PRXL2C: variants seen among roughly 807,000 people sequenced by gnomAD.
PRXL2C encodes the protein peroxiredoxin-like 2C.
In PRXL2C, 38 loss-of-function variants were observed where a neutral mutation model predicts 24.9. The observed-to-expected ratio is 1.53, with a 90% CI of 1.18 to 2.00. The LOEUF (loss-of-function observed/expected upper bound fraction) is 2.00. PRXL2C is among the 30% of genes most tolerant of loss of function. PRXL2C has a pLI of 0.00. For synonymous variants in PRXL2C, 98 were observed against 117.2 expected (o/e 0.84, Z 1.06); for missense variants, 294 against 290.9 (o/e 1.01, Z -0.08).
At chr9:96,648,234 CAATT>C (rs1166016322) in intron 4 of PRXL2C, among the ~76,000 whole-genome samples, 3 of 152,120 alleles carry the variant, frequency 2.0e-5, no homozygotes, top group Non-Finnish European at 4.4e-5. Context: ...AAGAAGGGGT[CAATT>C]AATATTTCAG....
rs896771498 is a variant in PRXL2C at position 96,654,736 on chromosome 9, T to C, written c.230A>G (p.Asp77Gly). 18 of 1,567,054 alleles carry C rather than the reference T, an allele frequency of 1.1e-5. No homozygotes were observed. Among genetic ancestry groups the C allele is most frequent in the Non-Finnish European group, 1.6e-5 (18 of 1,154,512 alleles). Residue 77 changes from aspartate (D) to glycine (G), a missense_variant, in exon 2 of 6, where the codon GAT becomes GGT. Asp to Gly is a moderately conservative substitution (Grantham distance 94). Transcript: ENST00000375234. ...GAAACTCCTGGGGATTTTGGCCAGA[T>C]CCTCTACGTATTCCTTGCAGATGTA... ...LCYICKEYVEDLAKIPRSFLQ... is the reference protein window; with the variant it reads ...LCYICKEYVEGLAKIPRSFLQ...
At chr9:96,654,917 G>T in intron 1 of PRXL2C, 144 bp from the exon 2 acceptor site, 1 of 1,203,580 alleles carries the variant, frequency 8.3e-7, no homozygotes, top group Non-Finnish European at 1.1e-6. Context: ...CGGCGCGTGG[G>T]AAGCGGGCCT....
chr9:96,652,767 A>C (rs1285718942), intron 2 of PRXL2C, among the ~76,000 whole-genome samples: 2 of 152,232 alleles, frequency 1.3e-5, no homozygotes, highest in Non-Finnish European at 2.9e-5. Flanking sequence ...AAAATTAAAA[A>C]TAGAAATATA....
chr9:96,643,470 T>C (rs1848146591), intron 5 of PRXL2C, among the ~76,000 whole-genome samples: 1 of 152,172 alleles, frequency 6.6e-6, no homozygotes, highest in Non-Finnish European at 1.5e-5. Context: ...ATTGTCTCGA[T>C]CTCCCGACCT....
At position 96,655,311 on chromosome 9, in the gene PRXL2C, C is replaced by T. The variant is rs1189223354; in HGVS notation, c.-30G>A. On this transcript the variant is annotated 5_prime_UTR_variant, in exon 1 of 6. Coordinates refer to ENST00000375234, the MANE Select transcript of PRXL2C (RefSeq NM_153698.2). ...CGGGGCGGCCGAGGGCCTGGGTCCG[C>T]TCTGTCAGCGCGGACCGGGGCGGGG... The T allele has an allele frequency of 3.1e-4, 319 of 1,035,876 alleles. 2 individuals carry two copies. The highest frequency in any genetic ancestry group is 2.3e-3 in the Middle Eastern group (5 of 2,174). The allele number at this position is 1,035,876 out of a possible 1,614,324, so 64.2% of individuals were successfully genotyped here.
chr9:96,647,085 C>A (rs1166081057), intron 4 of PRXL2C, among the ~76,000 whole-genome samples: 2 of 152,104 alleles, frequency 1.3e-5, no homozygotes, highest in African/African-American at 4.8e-5. Context: ...CCACCGCAGC[C>A]GGTCCCGTTC....
In PRXL2C at chr9:96,651,667, G is replaced by A. The variant is rs1197099501; in HGVS notation, c.307C>T (p.His103Tyr). The change falls in exon 3 of 6, where the codon CAT becomes TAT. Residue 103 changes from histidine (H) to tyrosine (Y), a missense_variant. Coordinates refer to ENST00000375234, the MANE Select transcript of PRXL2C (RefSeq NM_153698.2). Reference protein sequence around the residue: ...LIVIGQSSYHHIEPFCKLTGY... With the variant: ...LIVIGQSSYHYIEPFCKLTGY... The stretch of plus-strand genomic sequence containing the variant: ...ATGTACTAGATATTTACCTCAATAT[G>A]ATGGTAGGATGACTGTCCAATCACT... 3.1e-6 allele frequency: 5 copies of A among 1,608,976 alleles called. No individual in the cohort carries two copies. Among genetic ancestry groups the A allele is most frequent in the Non-Finnish European group, 3.4e-6 (4 of 1,176,826 alleles).
intron 4 of PRXL2C, among the ~76,000 whole-genome samples, chr9:96,647,891 C>T (rs992597346): frequency 4.6e-5 from 7 of 151,744 alleles, no homozygotes; most frequent in African/African-American, 1.7e-4. Context: ...CAAACTCTCT[C>T]CTTATTTTTT....
intron 5 of PRXL2C, among the ~76,000 whole-genome samples, chr9:96,643,652 GT>G (rs1392055377): frequency 6.6e-6 from 1 of 152,188 alleles, no homozygotes; most frequent in Non-Finnish European, 1.5e-5. Flanking sequence ...ATGGAAATAA[GT>G]TGTTCAGAAA....
At chr9:96,654,646 C>T (rs533799302) in intron 2 of PRXL2C, 59 bp downstream of exon 2, 44 of 1,501,672 alleles carry the variant, frequency 2.9e-5, no homozygotes, top group Non-Finnish European at 3.7e-5. Flanking sequence ...CGTCCTCCCC[C>T]GCCCCGCTCG....
intron 4 of PRXL2C, among the ~76,000 whole-genome samples, chr9:96,647,940 G>A (rs961225347): frequency 2.0e-5 from 3 of 151,966 alleles, no homozygotes; most frequent in East Asian, 1.9e-4. Context: ...GAGTCAATCC[G>A]TCACCCAGGC....
intron 2 of PRXL2C, among the ~76,000 whole-genome samples, chr9:96,652,734 C>A (rs1026149016): frequency 6.6e-6 from 1 of 151,914 alleles, no homozygotes; most frequent in Non-Finnish European, 1.5e-5. Flanking sequence ...ACAGCCATTA[C>A]GGAAAACAGT....
chr9:96,655,106 A>G lies in PRXL2C; in HGVS notation c.176T>C (p.Val59Ala), dbSNP rs1004133088. 1 of 1,435,792 alleles carries G rather than the reference A, an allele frequency of 7.0e-7. No individual in the cohort carries two copies. Among genetic ancestry groups the G allele is most frequent in the Non-Finnish European group, 9.1e-7 (1 of 1,098,316 alleles). 88.9% of individuals were successfully genotyped at this position (1,435,792 alleles called of 1,614,324 possible). ...CCCGCTCACCCGCACGAACACCACC[A>G]CGGCGCGGCGCTCCCGGAACAGCGC... Reference protein sequence around the residue: ...FGALFRERRAVVVFVRHFLCY... With the variant: ...FGALFRERRAAVVFVRHFLCY... Residue 59 changes from valine (V) to alanine (A), a missense_variant, in exon 1 of 6, where the codon GTG becomes GCG. Physicochemically the swap from Val to Ala is moderately conservative, Grantham distance 64 (BLOSUM62 0). Coordinates refer to ENST00000375234, the MANE Select transcript of PRXL2C (RefSeq NM_153698.2).
rs545061869 is a variant in PRXL2C, at chr9:96,649,456, C to G, written c.421+1934G>C. Among the ~76,000 whole-genome samples the G allele has an allele frequency of 1.4e-5, 2 of 138,072 alleles. 1 individual carries two copies. Among genetic ancestry groups the G allele is most frequent in the African/African-American group, 7.1e-5 (2 of 28,060 alleles). The allele number at this position is 138,072 out of a possible 152,430, so 90.6% of individuals were successfully genotyped here. ...GTGCATGCCTGTAATCCCAGCTACC[C>G]CGGAGGCTGAGGCAGGAGAATCACT... On this transcript the variant is annotated intron_variant, in intron 4 of 5. Coordinates refer to ENST00000375234, the MANE Select transcript of PRXL2C (RefSeq NM_153698.2).
rs1207804902 is a variant in PRXL2C at position 96,640,905 on chromosome 9, T to G, written c.*854A>C. On this transcript the variant is annotated 3_prime_UTR_variant, in exon 6 of 6. Coordinates refer to ENST00000375234, the MANE Select transcript of PRXL2C (RefSeq NM_153698.2). ...CTGACCATATTTTTAAATACATATC[T>G]TAAATATCTAAAACAATTTTTTTCT... 1 of 152,100 alleles carries G rather than the reference T, an allele frequency of 6.6e-6. No individual in the cohort carries two copies. Among genetic ancestry groups the G allele is most frequent in the Non-Finnish European group, 1.5e-5 (1 of 68,050 alleles). 9.4% of individuals were successfully genotyped at this position (152,100 alleles called of 1,614,324 possible).
intron 5 of PRXL2C, among the ~76,000 whole-genome samples, chr9:96,644,852 T>C (rs1008840370): frequency 2.0e-5 from 3 of 151,066 alleles, no homozygotes; most frequent in African/African-American, 7.3e-5. Flanking sequence ...GTCTCCTAGT[T>C]TTGTTAGGTA....
intron 5 of PRXL2C, among the ~76,000 whole-genome samples, chr9:96,643,268 C>T (rs1848144294): frequency 6.6e-6 from 1 of 152,080 alleles, no homozygotes; most frequent in Non-Finnish European, 1.5e-5. Flanking sequence ...TTTTTGGGGG[C>T]AGTGTCTTGG....
chr9:96,655,048 A>T (rs1355735734), intron 1 of PRXL2C, 42 bp downstream of exon 1: 2 of 1,454,920 alleles, frequency 1.4e-6, no homozygotes, highest in East Asian at 6.1e-5. Flanking sequence ...CCTGCCCGGG[A>T]CCCTGGGCCG....
chr9:96,641,781 CTGT>C lies in PRXL2C; in HGVS notation c.656_658del (p.Asn219del). 1 of 1,575,992 alleles carries C rather than the reference CTGT, an allele frequency of 6.3e-7. No individual in the cohort carries two copies. The highest frequency in any genetic ancestry group is 1.1e-5 in the South Asian group (1 of 87,046). ...AAGTCACACATGGATAACTGAAGGT[CTGT>C]TTGTAAAGTTCACATGCTGAACTCC... On this transcript the variant is annotated inframe_deletion, in exon 6 of 6. Coordinates refer to ENST00000375234, the MANE Select transcript of PRXL2C (RefSeq NM_153698.2).
Sources: allele counts gnomAD v4.1 joint callset (sites outside exome capture counted in the v4.1 genomes callset), GRCh38; gene constraint gnomAD v4.1.1; transcripts MANE v1.5; gene names NCBI Gene and HGNC (gene_info 2026-07-23, HGNC 2026-07-21).